The following EYS variants were observed in gnomAD, a reference collection of about 807,000 sequenced individuals.
EYS encodes the protein EGF-like photoreceptor maintenance factor, also known as protein eyes shut homolog.
EYS carries 250 observed loss-of-function variants against 282.1 expected under a neutral mutation model. The ratio of observed to expected loss-of-function variants is 0.89; its 90% confidence interval spans 0.80 to 0.98. EYS has a LOEUF of 0.98. Ranked by LOEUF, EYS falls within the 50% of genes least tolerant of loss-of-function variation. The pLI is 0.00. For missense variants in EYS, 4,016 were observed against 3,709.0 expected, an observed-to-expected ratio of 1.08 and a Z score of -2.15; for synonymous variants, 1,355 against 1,282.9, an observed-to-expected ratio of 1.06 and a Z score of -1.20.
intron 31 of EYS, among the ~76,000 whole-genome samples, chr6:64,086,358 T>A (rs1015931678): frequency 2.0e-5 from 3 of 152,196 alleles, no homozygotes; most frequent in African/African-American, 7.2e-5. Flanking sequence ...ACAGTGTCTA[T>A]TAGTTGTCAT....
rs995368117 is a variant in EYS, at chr6:64,012,702, T to C, written c.6726-13519A>G. 2.6e-5 allele frequency among the ~76,000 whole-genome samples: 4 copies of C among 152,196 alleles called. No homozygotes were observed. In the South Asian group the frequency reaches 6.2e-4, roughly 24 times the overall value. On this transcript the variant is annotated intron_variant, in intron 33 of 42. Coordinates refer to ENST00000503581, the MANE Select transcript of EYS (RefSeq NM_001142800.2). ...ATGCTGTTTCCTAAAAGTGGGATGG[T>C]TTTCATACAGCCCTATCAACACAGC...
chr6:65,335,794 C>A (rs1341576272), intron 10 of EYS, among the ~76,000 whole-genome samples: 1 of 151,666 alleles, frequency 6.6e-6, no homozygotes, highest in Admixed American at 6.6e-5. Flanking sequence ...TAGGAGAGCA[C>A]CCTGGGTCCA....
rs1305796294 is a variant in EYS at position 64,552,617 on chromosome 6, G to GA, written c.5644+37605dup. On this transcript the variant is annotated intron_variant, in intron 26 of 42. Transcript: ENST00000503581. ...CACTCTTTCAACTAATTGCCAATTA[G>GA]AAAATCTTTGAATTTGGCCTGGCAA... is the stretch of plus-strand genomic sequence containing the variant. Among the ~76,000 whole-genome samples, 4 of 152,176 alleles carry GA rather than the reference G, an allele frequency of 2.6e-5. No individual in the cohort carries two copies. The East Asian group carries it at 7.7e-4, about 29-fold the overall frequency.
At chr6:64,596,282 A>G (rs1766585435) in intron 24 of EYS, among the ~76,000 whole-genome samples, 1 of 152,198 alleles carries the variant, frequency 6.6e-6, no homozygotes, top group African/African-American at 2.4e-5. Context: ...ATGAATGACC[A>G]TGCTATTCAA....
At chr6:65,392,885 C>T (rs376449155) in intron 7 of EYS, among the ~76,000 whole-genome samples, 15 of 152,030 alleles carry the variant, frequency 9.9e-5, no homozygotes, top group Admixed American at 6.6e-5. Flanking sequence ...ATGTTTATTG[C>T]GGCATTATTC....
At chr6:64,589,728 A>C (rs964978774) in intron 26 of EYS, among the ~76,000 whole-genome samples, 1 of 152,056 alleles carries the variant, frequency 6.6e-6, no homozygotes, top group African/African-American at 2.4e-5. Flanking sequence ...AATTATATAA[A>C]ATGAAACAAA....
intron 35 of EYS, among the ~76,000 whole-genome samples, chr6:63,935,485 T>C (rs1001476907): frequency 1.3e-5 from 2 of 152,096 alleles, no homozygotes; most frequent in African/African-American, 4.8e-5. Context: ...AAAGAAGTGG[T>C]TTGTTAGGAT....
At chr6:65,538,456 T>C (rs1240350169) in intron 2 of EYS, among the ~76,000 whole-genome samples, 3 of 152,182 alleles carry the variant, frequency 2.0e-5, no homozygotes, top group African/African-American at 7.2e-5. Flanking sequence ...TACCAGATCC[T>C]GTTGTTAAGT....
At chr6:65,123,660 T>G (rs1235313816) in intron 12 of EYS, among the ~76,000 whole-genome samples, 1 of 152,010 alleles carries the variant, frequency 6.6e-6, no homozygotes, top group African/African-American at 2.4e-5. Flanking sequence ...TGTTATGTCT[T>G]TTCAAAAGTG....
chr6:65,519,878 G>C (rs943368697), intron 2 of EYS, among the ~76,000 whole-genome samples: 23 of 133,972 alleles, frequency 1.7e-4, no homozygotes, highest in African/African-American at 7.5e-4. Context: ...CATCACACTT[G>C]GCTAATTTTT....
intron 23 of EYS, among the ~76,000 whole-genome samples, chr6:64,621,816 A>G (rs900310081): frequency 1.3e-5 from 2 of 152,212 alleles, no homozygotes; most frequent in African/African-American, 4.8e-5. Flanking sequence ...ATCTGGGCAC[A>G]GTGACTGTCC....
intron 12 of EYS, among the ~76,000 whole-genome samples, chr6:65,082,595 C>T (rs1217350876): frequency 6.6e-6 from 1 of 151,960 alleles, no homozygotes; most frequent in African/African-American, 2.4e-5. Context: ...AGTATTAAGG[C>T]ACTGGCAAAA....
At chr6:64,671,255 G>A (rs958189953) in intron 22 of EYS, among the ~76,000 whole-genome samples, 3 of 152,066 alleles carry the variant, frequency 2.0e-5, no homozygotes, top group Admixed American at 6.6e-5. Flanking sequence ...TTAGAAGGTG[G>A]AGCCTTTGGG....
At chr6:65,509,717 T>C (rs1285365266) in intron 2 of EYS, among the ~76,000 whole-genome samples, 3 of 152,186 alleles carry the variant, frequency 2.0e-5, no homozygotes, top group African/African-American at 7.2e-5. Context: ...TAATGTCCAA[T>C]TAATAATTTT....
chr6:65,520,005 ATT>A (rs202187581), intron 2 of EYS, among the ~76,000 whole-genome samples: 8,032 of 151,318 alleles, frequency 0.053, 301 homozygotes, highest in East Asian at 0.15. Flanking sequence ...TTATAGATTA[ATT>A]TTACTCTTTA....
chr6:64,291,115 T>C (rs1435337472), intron 30 of EYS, among the ~76,000 whole-genome samples: 1 of 151,278 alleles, frequency 6.6e-6, no homozygotes, highest in Non-Finnish European at 1.5e-5. Flanking sequence ...AAGGCCATAA[T>C]AAGCATTTGA....
At chr6:65,618,239 G>T (rs1248822719) in intron 2 of EYS, among the ~76,000 whole-genome samples, 2 of 152,318 alleles carry the variant, frequency 1.3e-5, no homozygotes, top group African/African-American at 4.8e-5. Flanking sequence ...TTTAATGATC[G>T]CCATTCTAAC....
At chr6:65,567,201 C>A (rs1462229884) in intron 2 of EYS, among the ~76,000 whole-genome samples, 1 of 151,510 alleles carries the variant, frequency 6.6e-6, no homozygotes, top group Non-Finnish European at 1.5e-5. Context: ...GGCACTTCAA[C>A]CTGGGAATGC....
chr6:63,764,695 T>A (rs1344131425), intron 40 of EYS, among the ~76,000 whole-genome samples: 1 of 152,006 alleles, frequency 6.6e-6, no homozygotes. Context: ...CTTGCTTGGA[T>A]ATTAAAGTAG....
Sources: allele counts gnomAD v4.1 joint callset (sites outside exome capture counted in the v4.1 genomes callset), GRCh38; gene constraint gnomAD v4.1.1; transcripts MANE v1.5; gene names NCBI Gene and HGNC (gene_info 2026-07-23, HGNC 2026-07-21).